The following CLDN14 variants were observed in gnomAD, a reference collection of about 807,000 sequenced individuals.
The protein encoded by CLDN14 is claudin 14, also known as claudin-14.
A neutral mutation model predicts 2.1 loss-of-function variants in CLDN14; 2 were observed. The ratio of observed to expected loss-of-function variants is 0.96; its 90% confidence interval spans 0.39 to 3.01. CLDN14 has a LOEUF of 3.01. Ranked by LOEUF, CLDN14 falls within the 30% of genes most tolerant of loss-of-function variation. The probability of loss-of-function intolerance (pLI) is 0.09; values close to 1 mark genes in which losing one functional copy is unlikely to be tolerated. For synonymous variants in CLDN14, 136 were observed against 154.4 expected, an observed-to-expected ratio of 0.88 and a Z score of 0.88; for missense variants, 298 against 328.0, an observed-to-expected ratio of 0.91 and a Z score of 0.71.
intron 1 of CLDN14, among the ~76,000 whole-genome samples, chr21:36,523,344 A>G (rs1338965004): frequency 6.6e-6 from 1 of 152,240 alleles, no homozygotes; most frequent in African/African-American, 2.4e-5. Context: ...CTTCAGCTAC[A>G]TGATTAGATG....
At chr21:36,490,266 C>T (rs551874229) in intron 2 of CLDN14, among the ~76,000 whole-genome samples, 5 of 152,240 alleles carry the variant, frequency 3.3e-5, no homozygotes, top group African/African-American at 7.2e-5. Context: ...TGCAATGGCT[C>T]GACCGTGGGT....
chr21:36,486,911 T>C, intron 2 of CLDN14: 1 of 627,364 alleles, frequency 1.6e-6, no homozygotes, highest in Non-Finnish European at 3.0e-6. Context: ...AGAGTGAGTG[T>C]GGTCAGCACT....
intron 1 of CLDN14, among the ~76,000 whole-genome samples, chr21:36,556,944 C>T (rs2087602982): frequency 1.3e-5 from 2 of 152,166 alleles, no homozygotes; most frequent in African/African-American, 2.4e-5. Context: ...AAAGCAACTG[C>T]CCATTTCTCC....
intron 2 of CLDN14, among the ~76,000 whole-genome samples, chr21:36,489,131 A>AAAAAAATATATATATATATATATAT: frequency 2.1e-4 from 13 of 62,740 alleles, no homozygotes; most frequent in Non-Finnish European, 2.7e-4. Context: ...AAAAAAAAAA[A>AAAAAAATATATATATATATATATAT]ATATATATAT....
At chr21:36,561,336 G>A (rs2087633934) in intron 1 of CLDN14, among the ~76,000 whole-genome samples, 1 of 152,232 alleles carries the variant, frequency 6.6e-6, no homozygotes, top group African/African-American at 2.4e-5. Flanking sequence ...GATGTCCATG[G>A]CTGATGGAAC....
At chr21:36,490,949 GACAC>G (rs3030068) in intron 2 of CLDN14, among the ~76,000 whole-genome samples, 60,905 of 148,624 alleles carry the variant, frequency 0.41, 14,095 homozygotes, top group Non-Finnish European at 0.53. Flanking sequence ...CAAGTGCACA[GACAC>G]ACACACACAC....
At chr21:36,573,893 C>G (rs1334813251) in intron 1 of CLDN14, among the ~76,000 whole-genome samples, 1 of 152,160 alleles carries the variant, frequency 6.6e-6, no homozygotes, top group East Asian at 1.9e-4. Flanking sequence ...AACTATAAGA[C>G]ATTTCTGAGG....
intron 1 of CLDN14, among the ~76,000 whole-genome samples, chr21:36,511,483 T>G (rs2087186236): frequency 6.6e-6 from 1 of 152,196 alleles, no homozygotes; most frequent in Non-Finnish European, 1.5e-5. Context: ...TTTAAATGAT[T>G]GAACAAAAAG....
intron 1 of CLDN14, among the ~76,000 whole-genome samples, chr21:36,515,280 A>C (rs1369285564): frequency 6.6e-6 from 1 of 152,232 alleles, no homozygotes; most frequent in East Asian, 1.9e-4. Context: ...CATTATTCAC[A>C]GTAGCCAAAA....
At chr21:36,569,411 G>A (rs1362341287) in intron 1 of CLDN14, among the ~76,000 whole-genome samples, 15 of 137,984 alleles carry the variant, frequency 1.1e-4, no homozygotes, top group Non-Finnish European at 1.6e-4. Flanking sequence ...GTGAGACTCC[G>A]TCTCAAAAAA....
intron 2 of CLDN14, among the ~76,000 whole-genome samples, chr21:36,509,219 G>A (rs1031815157): frequency 2.0e-5 from 3 of 152,256 alleles, no homozygotes; most frequent in Non-Finnish European, 4.4e-5. Context: ...GGAGATGGCT[G>A]CCCACCTGCT....
chr21:36,497,627 A>C (rs1166034680), intron 2 of CLDN14, among the ~76,000 whole-genome samples: 1 of 152,118 alleles, frequency 6.6e-6, no homozygotes, highest in East Asian at 1.9e-4. Context: ...TAAAGGCCTG[A>C]CCTAAGCCCG....
intron 1 of CLDN14, among the ~76,000 whole-genome samples, chr21:36,519,712 A>C (rs113472375): frequency 0.016 from 1,204 of 73,046 alleles, 15 homozygotes; most frequent in African/African-American, 0.04. Flanking sequence ...CCTGTCTAAA[A>C]AACAACAACA....
intron 1 of CLDN14, chr21:36,542,693 GGCCCCCCAGCA>G (rs1256282406): frequency 2.6e-5 from 4 of 152,238 alleles, no homozygotes; most frequent in Non-Finnish European, 5.9e-5. Flanking sequence ...GCCTCCCAGA[GGCCCCCCAGCA>G]GCCCCCGAGC....
chr21:36,514,827 T>A (rs888541519), intron 1 of CLDN14, among the ~76,000 whole-genome samples: 27 of 152,028 alleles, frequency 1.8e-4, no homozygotes, highest in African/African-American at 6.0e-4. Flanking sequence ...CAGCTTGAAA[T>A]CAACCACTTC....
In CLDN14 at chr21:36,461,571, G is replaced by T; in HGVS notation, c.125C>A (p.Thr42Lys). 2 of 1,612,782 alleles carry T rather than the reference G, an allele frequency of 1.2e-6. No homozygotes were observed. The highest frequency in any genetic ancestry group is 8.5e-7 in the Non-Finnish European group (1 of 1,179,728). Residue 42 changes from threonine (T) to lysine (K), a missense_variant, in exon 2 of 2, where the codon ACG becomes AAG. By Grantham distance (78) the Thr-to-Lys change is moderately conservative. Transcript: ENST00000399135. Reference sequence around the variant, plus strand: ...GAGCCCTTTCAGGTAGGACACGGCCGTGAGGATGTTGGTGCCCACGTGCGC... The same window carrying T: ...GAGCCCTTTCAGGTAGGACACGGCCTTGAGGATGTTGGTGCCCACGTGCGC... ...RTAHVGTNIL[T>K]AVSYLKGLWM...
At chr21:36,462,872 C>T (rs559328028) in intron 1 of CLDN14, among the ~76,000 whole-genome samples, 5 of 120,960 alleles carry the variant, frequency 4.1e-5, no homozygotes, top group Non-Finnish European at 6.1e-5. Context: ...GAGCCGAGAT[C>T]GCGCCACTGC....
chr21:36,487,150 A>G (rs1421048846), intron 2 of CLDN14: 1 of 208,662 alleles, frequency 4.8e-6, no homozygotes, highest in East Asian at 1.5e-4. Flanking sequence ...ACACCCGGCT[A>G]ATTTTTGTAT....
At chr21:36,573,519 T>C (rs1246046292) in intron 1 of CLDN14, among the ~76,000 whole-genome samples, 1 of 152,172 alleles carries the variant, frequency 6.6e-6, no homozygotes, top group Non-Finnish European at 1.5e-5. Context: ...TTTCTCTCTA[T>C]AAATTATCCT....
Sources: gnomAD v4.1 joint callset for allele counts (sites outside exome capture counted in the v4.1 genomes callset) on GRCh38, gnomAD v4.1.1 for gene constraint, MANE v1.5 for transcripts, NCBI Gene and HGNC (gene_info 2026-07-23, HGNC 2026-07-21) for gene names.